The following RTBDN variants were observed in gnomAD, a reference collection of about 807,000 sequenced individuals.
RTBDN encodes the protein retbindin.
A neutral mutation model predicts 21.9 loss-of-function variants in RTBDN; 24 were observed. The observed-to-expected ratio is 1.10, with a 90% CI of 0.79 to 1.54. The LOEUF (loss-of-function observed/expected upper bound fraction) is 1.54. Ranked by LOEUF, RTBDN falls within the 40% of genes most tolerant of loss-of-function variation. The pLI, the probability that RTBDN is intolerant of heterozygous loss-of-function variation, is 0.00. For synonymous variants in RTBDN, 141 were observed against 125.9 expected (o/e 1.12, Z -0.80); for missense variants, 325 against 315.2 (o/e 1.03, Z -0.23).
intron 4 of RTBDN, among the ~76,000 whole-genome samples, 154 bp downstream of exon 4, chr19:12,828,503 T>C (rs1430833212): frequency 1.3e-5 from 2 of 152,228 alleles, no homozygotes; most frequent in Non-Finnish European, 2.9e-5. Context: ...GCCTCGCCCC[T>C]ATCTACCTGG....
At chr19:12,826,643 G>T (rs1969311254) in intron 5 of RTBDN, 132 bp downstream of exon 5, 2 of 750,102 alleles carry the variant, frequency 2.7e-6, no homozygotes, top group Non-Finnish European at 4.3e-6. Flanking sequence ...GCATCGAGCT[G>T]AGATCGCGCC....
intron 2 of RTBDN, 123 bp downstream of exon 2, chr19:12,829,688 A>G (rs1453225877): frequency 2.1e-6 from 2 of 939,134 alleles, no homozygotes; most frequent in African/African-American, 1.6e-5. Flanking sequence ...CTTCAGCACT[A>G]TCCGTGCCTC....
rs1969519440 is a variant in RTBDN, at chr19:12,830,333, C to A, written c.-18-336G>T. 1 of 1,044,900 alleles carries A rather than the reference C, an allele frequency of 9.6e-7. No individual in the cohort carries two copies. The highest frequency in any genetic ancestry group is 4.6e-4 in the Middle Eastern group (1 of 2,192). 64.7% of individuals were successfully genotyped at this position (1,044,900 alleles called of 1,614,324 possible). ...TTTTCTCAGAATGAAGGGGACCTCC[C>A]TAGGTCTTCCAATCCCCCTCTCCTG... On this transcript the variant is annotated intron_variant, in intron 1 of 5. Coordinates refer to ENST00000674343, the MANE Select transcript of RTBDN (RefSeq NM_001270441.2). The surrounding 1 kb of genome is among the most constrained non-coding windows in gnomAD (Gnocchi z 4.2).
Position 12,833,175 on chromosome 19 carries a change from CATA to C in RTBDN, c.-19+1311_-19+1313del, listed in dbSNP as rs542104347. Among the ~76,000 whole-genome samples, 24 of 152,070 alleles carry C rather than the reference CATA, an allele frequency of 1.6e-4. No homozygotes were observed. In the East Asian group the frequency reaches 4.2e-3, roughly 27 times the overall value. On this transcript the variant is annotated intron_variant, in intron 1 of 5. Coordinates refer to ENST00000674343, the MANE Select transcript of RTBDN (RefSeq NM_001270441.2). ...ATTGTGGGGCAGGTGGGTGGGGGGG[CATA>C]ATATGTATGCACATGTTTTTCTGAG...
At position 12,826,765 on chromosome 19, in the gene RTBDN, C is replaced by T. The variant is rs1034513084; in HGVS notation, c.462+10G>A. ...CAGTCTCTTCCCTTCACCTTCTGCC[C>T]CACGCTCACCTGTCCATAGGTAAGG... On this transcript the variant is annotated intron_variant, in intron 5 of 5. Transcript: ENST00000674343. 3.4e-5 allele frequency: 51 copies of T among 1,519,944 alleles called. No individual in the cohort carries two copies. The highest frequency in any genetic ancestry group is 4.6e-5 in the Non-Finnish European group (51 of 1,118,672). The allele number at this position is 1,519,944 out of a possible 1,614,324, so 94.2% of individuals were successfully genotyped here.
rs975974003 is a variant in RTBDN, at chr19:12,826,785, G to A, written c.452C>T (p.Thr151Ile). Reference sequence around the variant, plus strand: ...CTGCCCCACGCTCACCTGTCCATAGGTAAGGCAGCTGGGCTCACAGCCCCT... The same window carrying A: ...CTGCCCCACGCTCACCTGTCCATAGATAAGGCAGCTGGGCTCACAGCCCCT... ...EKRGCEPSCL[T>I]YGQTFADGTD... Residue 151 changes from threonine to isoleucine, a missense_variant, in exon 5 of 6, where the codon ACC (threonine) becomes ATC (isoleucine). Physicochemically the swap from Thr to Ile is moderately conservative, Grantham distance 89. Coordinates refer to ENST00000674343, the MANE Select transcript of RTBDN (RefSeq NM_001270441.2). 2 of 1,552,232 alleles carry A rather than the reference G, an allele frequency of 1.3e-6. No homozygotes were observed. Among genetic ancestry groups the A allele is most frequent in the African/African-American group, 1.4e-5 (1 of 73,062 alleles).
intron 5 of RTBDN, chr19:12,826,255 T>C: frequency 7.9e-7 from 1 of 1,260,408 alleles, no homozygotes; most frequent in Non-Finnish European, 1.0e-6. Flanking sequence ...AGAGCAGGAA[T>C]GGTTTCTTGG....
Position 12,830,065 on chromosome 19 carries a change from T to C in RTBDN, c.-18-68A>G. ...CTTAGGGTGGCACCCACCCAGTGCATACCCAAGAAGCAGTGCCAGGCAGAG... is the reference window on the plus strand; with the variant it reads ...CTTAGGGTGGCACCCACCCAGTGCACACCCAAGAAGCAGTGCCAGGCAGAG... On this transcript the variant is annotated intron_variant, in intron 1 of 5. Transcript: ENST00000674343. The surrounding 1 kb of genome is among the most constrained non-coding windows in gnomAD (Gnocchi z 4.2). The C allele has an allele frequency of 3.9e-6, 6 of 1,523,252 alleles. No homozygotes were observed. Among genetic ancestry groups the C allele is most frequent in the Non-Finnish European group, 5.4e-6 (6 of 1,117,156 alleles). The allele number at this position is 1,523,252 out of a possible 1,614,324, so 94.4% of individuals were successfully genotyped here.
At chr19:12,834,672 C>T (rs1969696270), upstream of RTBDN, 1 of 1,544,310 alleles carries the variant, frequency 6.5e-7, no homozygotes, top group Non-Finnish European at 8.9e-7. The surrounding 1 kb of genome is among the most constrained non-coding windows in gnomAD (Gnocchi z 4.7). Flanking sequence ...AGATGCTGGT[C>T]TCGAGGCTGC....
Position 12,830,390 on chromosome 19 carries a change from C to T in RTBDN, c.-18-393G>A. 1 of 993,142 alleles carries T rather than the reference C, an allele frequency of 1.0e-6. No individual in the cohort carries two copies. The highest frequency in any genetic ancestry group is 1.2e-6 in the Non-Finnish European group (1 of 835,174). 61.5% of individuals were successfully genotyped at this position (993,142 alleles called of 1,614,324 possible). A position where few individuals can be genotyped will look rare whatever the true frequency, so the allele number is the denominator to read the frequency against. On this transcript the variant is annotated intron_variant, in intron 1 of 5. Coordinates refer to ENST00000674343, the MANE Select transcript of RTBDN (RefSeq NM_001270441.2). The surrounding 1 kb of genome is among the most constrained non-coding windows in gnomAD (Gnocchi z 4.2). ...AATTCCTCCCTCTCTTCTATGCGGC[C>T]TCCCTCCTCCCTCTCTCGCTCCCTG...
intron 2 of RTBDN, among the ~76,000 whole-genome samples, chr19:12,829,349 A>G (rs1219837280): frequency 1.3e-5 from 2 of 152,044 alleles, no homozygotes; most frequent in African/African-American, 4.8e-5. Context: ...TTTCAGGCGC[A>G]TGCCACCTCG....
Position 12,831,747 on chromosome 19 carries a change from AAAATCTCAGGTTTCATAGAGCTGAC to A in RTBDN, c.-18-1775_-18-1751del, listed in dbSNP as rs1346285754. Among the ~76,000 whole-genome samples the A allele has an allele frequency of 2.0e-5, 3 of 152,178 alleles. No individual in the cohort carries two copies. In the East Asian group the frequency reaches 5.8e-4, roughly 29 times the overall value. On this transcript the variant is annotated intron_variant, in intron 1 of 5. Transcript: ENST00000674343. ...ACAAAAACTCAAAATAAAAGACACA[AAAATCTCAGGTTTCATAGAGCTGAC>A]ATTCTAGGGGGAGAATCAGATGAGA...
In RTBDN at chr19:12,830,654, G is replaced by C. The variant is rs975272658; in HGVS notation, c.-18-657C>G. On this transcript the variant is annotated intron_variant, in intron 1 of 5. Transcript: ENST00000674343. This position sits in a 1 kb window ranked among gnomAD's most constrained non-coding sequence, Gnocchi z 4.2. The stretch of plus-strand genomic sequence containing the variant: ...GTCTAGAGGCCGCTAAGACACCTCA[G>C]GATCCAGTCCAGGAAACTGGCTGCT... 1.7e-5 allele frequency: 17 copies of C among 985,462 alleles called. No individual in the cohort carries two copies. The highest frequency in any genetic ancestry group is 1.9e-5 in the Non-Finnish European group (16 of 830,068). 61.0% of individuals were successfully genotyped at this position (985,462 alleles called of 1,614,324 possible).
chr19:12,829,623 A>G (rs1310170437), intron 2 of RTBDN, among the ~76,000 whole-genome samples, 188 bp downstream of exon 2: 2 of 152,262 alleles, frequency 1.3e-5, no homozygotes. Context: ...TCACACAGCT[A>G]CAAAGTGGCA....
chr19:12,835,065 G>A (rs201167340), upstream of RTBDN: 2 of 1,611,736 alleles, frequency 1.2e-6, no homozygotes, highest in East Asian at 2.2e-5. Context: ...CTTGGGAAAA[G>A]AGGATTCAAA....
Position 12,829,795 on chromosome 19 carries a change from G to A in RTBDN, c.169+16C>T. 1 of 1,602,916 alleles carries A rather than the reference G, an allele frequency of 6.2e-7. No individual in the cohort carries two copies. The highest frequency in any genetic ancestry group is 8.5e-7 in the Non-Finnish European group (1 of 1,171,092). On this transcript the variant is annotated intron_variant, in intron 2 of 5. Coordinates refer to ENST00000674343, the MANE Select transcript of RTBDN (RefSeq NM_001270441.2). ...TTTCTGGGTGTTGGTGGTGAGGCAG[G>A]GTCTGGGGTGCTCACCTGCCAGGTG... is the stretch of plus-strand genomic sequence containing the variant.
Position 12,834,465 on chromosome 19 carries a change from G to A in RTBDN, c.-19+24C>T. The A allele has an allele frequency of 6.6e-7, 1 of 1,521,896 alleles. No homozygotes were observed. Among genetic ancestry groups the A allele is most frequent in the Non-Finnish European group, 8.8e-7 (1 of 1,133,778 alleles). 94.3% of individuals were successfully genotyped at this position (1,521,896 alleles called of 1,614,324 possible). ...CCCAGGAGCCCCCTCCCGAGGCATAGGACGCCCTGCGTCCCCCACGCACCT... is the reference window on the plus strand; with the variant it reads ...CCCAGGAGCCCCCTCCCGAGGCATAAGACGCCCTGCGTCCCCCACGCACCT... On this transcript the variant is annotated intron_variant, in intron 1 of 5. Coordinates refer to ENST00000674343, the MANE Select transcript of RTBDN (RefSeq NM_001270441.2). The surrounding 1 kb of genome is among the most constrained non-coding windows in gnomAD (Gnocchi z 4.7).
In RTBDN at chr19:12,826,847, G is replaced by A. The variant is rs1969323422; in HGVS notation, c.390C>T (p.Ile130=). ...GTGGGAGCCAAGTCGGGCCGCAGGT[G>A]ATATCATCTTCGCAGTTGGCGAACC... The part of the protein sequence containing the change: ...QAWFANCEDD[I]TCGPTWLPLS... Residue 130 remains isoleucine (I), a synonymous_variant, in exon 5 of 6, where the codon ATC becomes ATT. Coordinates refer to ENST00000674343, the MANE Select transcript of RTBDN (RefSeq NM_001270441.2). 6.4e-7 allele frequency: 1 copy of A among 1,552,914 alleles called. No individual in the cohort carries two copies. The highest frequency in any genetic ancestry group is 8.7e-7 in the Non-Finnish European group (1 of 1,148,556).
Position 12,828,891 on chromosome 19 carries a change from G to A in RTBDN, c.232C>T (p.Arg78Cys), listed in dbSNP as rs781025146. The A allele has an allele frequency of 1.1e-5, 17 of 1,614,080 alleles. No homozygotes were observed. Among genetic ancestry groups the A allele is most frequent in the Non-Finnish European group, 1.3e-5 (15 of 1,180,048 alleles). The change falls in exon 3 of 6, where the codon CGC becomes TGC. Residue 78 changes from arginine to cysteine, a missense_variant. Coordinates refer to ENST00000674343, the MANE Select transcript of RTBDN (RefSeq NM_001270441.2). Reference protein sequence around the residue: ...ETSGPGNHPERCGVPSPECES... With the variant: ...ETSGPGNHPECCGVPSPECES... The stretch of plus-strand genomic sequence containing the variant: ...CACTCAGGGCTCGGCACTCCACAGC[G>A]TTCTGGATGGTTTCCAGGGCCCGAT...
Sources: allele counts gnomAD v4.1 joint callset (sites outside exome capture counted in the v4.1 genomes callset), GRCh38; gene constraint gnomAD v4.1.1; non-coding constraint Gnocchi (gnomAD v3.1); transcripts MANE v1.5; gene names NCBI Gene and HGNC (gene_info 2026-07-23, HGNC 2026-07-21).